Variants in CDH3 observed in about 807,000 individuals in gnomAD.
CDH3 encodes cadherin 3.
Under a neutral mutation model 82.0 loss-of-function variants are expected in CDH3, and 54 were observed. The observed-to-expected ratio is 0.66, with a 90% CI of 0.53 to 0.83. CDH3 has a LOEUF of 0.83. CDH3 is among the 40% of genes least tolerant of loss of function. CDH3 has a pLI of 0.00. For missense variants in CDH3, 1,054 were observed against 1,084.6 expected (o/e 0.97, Z 0.40); for synonymous variants, 446 against 437.9 (o/e 1.02, Z -0.23).
downstream of CDH3, among the ~76,000 whole-genome samples, chr16:68,701,122 C>A (rs1961887475): frequency 1.3e-5 from 2 of 152,248 alleles, no homozygotes; most frequent in South Asian, 4.1e-4. Context: ...AACCAAGCAG[C>A]CCCTGTTTAG....
intron 2 of CDH3, among the ~76,000 whole-genome samples, chr16:68,673,453 C>T (rs1960942956): frequency 6.8e-6 from 1 of 148,078 alleles, no homozygotes; most frequent in African/African-American, 2.5e-5. Context: ...CTCTCTCTCT[C>T]TCTAGCCCCT....
chr16:68,713,769 G>T (rs951812476), intron 1 of CDH3, among the ~76,000 whole-genome samples: 1 of 152,018 alleles, frequency 6.6e-6, no homozygotes, highest in Non-Finnish European at 1.5e-5. Flanking sequence ...CCGCTCCCCA[G>T]GTACAGACCA....
rs1332514329 is a variant in CDH3 at position 68,656,295 on chromosome 16, C to A, written c.160+10545C>A. 4.6e-5 allele frequency among the ~76,000 whole-genome samples: 7 copies of A among 152,236 alleles called. No individual in the cohort carries two copies. In the East Asian group the frequency reaches 1.2e-3, roughly 25 times the overall value. On this transcript the variant is annotated intron_variant, in intron 2 of 15. Transcript: ENST00000264012. ...TTCCCTGGAACCAGGATATTGGCCC[C>A]CACTCCCAGCAACCCTTCTCAACTC...
At chr16:68,668,155 G>T (rs548877991) in intron 2 of CDH3, among the ~76,000 whole-genome samples, 1 of 152,294 alleles carries the variant, frequency 6.6e-6, no homozygotes, top group Admixed American at 6.5e-5. Flanking sequence ...TGAAGCCCTG[G>T]ATGGGTGTGG....
Position 68,695,631 on chromosome 16 carries a change from T to C in CDH3, c.2134-146T>C, listed in dbSNP as rs1328491883. The C allele has an allele frequency of 6.7e-6, 7 of 1,042,374 alleles. No homozygotes were observed. In the East Asian group the frequency reaches 1.8e-4, roughly 26 times the overall value. 64.6% of individuals were successfully genotyped at this position (1,042,374 alleles called of 1,614,324 possible). On this transcript the variant is annotated intron_variant, in intron 14 of 15. Transcript: ENST00000264012. ...CAAGGGAGGATGGAAACGAGGGTTT[T>C]CCAAAATCTGTGACATCATCTGTCT...
chr16:68,729,584 C>T (rs986671520), downstream of CDH3, among the ~76,000 whole-genome samples: 3 of 152,072 alleles, frequency 2.0e-5, no homozygotes, highest in African/African-American at 7.2e-5. Flanking sequence ...TCTTAAGGGG[C>T]ATAACAGACA....
chr16:68,728,414 C>T (rs899397907), downstream of CDH3, among the ~76,000 whole-genome samples: 22 of 152,132 alleles, frequency 1.4e-4, no homozygotes, highest in Admixed American at 6.5e-5. Context: ...ATCTGCCCGC[C>T]TCGGCCTCCC....
At position 68,682,238 on chromosome 16, in the gene CDH3, C is replaced by T. The variant is rs1225804495; in HGVS notation, c.997-64C>T. On this transcript the variant is annotated intron_variant, in intron 8 of 15. Transcript: ENST00000264012. The stretch of plus-strand genomic sequence containing the variant: ...ATCCCCTGAGGTTGGATGGAGGCTT[C>T]TCAGCCTCTGGAGTAGGACAGTCAT... 2.0e-5 allele frequency: 30 copies of T among 1,535,700 alleles called. No homozygotes were observed. In the East Asian group the frequency reaches 6.5e-4, roughly 34 times the overall value.
At chr16:68,720,548 C>CAGTGGGTATA (rs1962149265) in intron 1 of CDH3, among the ~76,000 whole-genome samples, 1 of 152,050 alleles carries the variant, frequency 6.6e-6, no homozygotes, top group Non-Finnish European at 1.5e-5. Flanking sequence ...GCCAGGCTAC[C>CAGTGGGTATA]CATACATGTG....
chr16:68,691,662 G>A (rs1376014285), intron 12 of CDH3, 58 bp from the exon 13 acceptor site: 7 of 1,329,376 alleles, frequency 5.3e-6, no homozygotes, highest in Admixed American at 5.0e-5. Context: ...TCTTCATGGT[G>A]TACTCAGATC....
intron 1 of CDH3, 104 bp downstream of exon 1, chr16:68,645,528 C>T (rs1482099715): frequency 5.4e-6 from 8 of 1,477,008 alleles, no homozygotes; most frequent in East Asian, 2.4e-5. Context: ...GCTGCGCTCC[C>T]TGGGGCCAAG....
At chr16:68,686,347 G>C (rs540964464) in intron 11 of CDH3, 2 of 1,005,014 alleles carry the variant, frequency 2.0e-6, no homozygotes, top group African/African-American at 1.6e-5. Context: ...CGCTACACAA[G>C]AGCAGAGTAC....
At chr16:68,729,105 G>A (rs1962257403), downstream of CDH3, among the ~76,000 whole-genome samples, 1 of 152,108 alleles carries the variant, frequency 6.6e-6, no homozygotes, top group Non-Finnish European at 1.5e-5. Context: ...AGGAGTTCGA[G>A]ACCAGCCTGG....
intron 1 of CDH3, among the ~76,000 whole-genome samples, chr16:68,706,877 A>G (rs1961971832): frequency 1.3e-5 from 2 of 152,260 alleles, no homozygotes; most frequent in African/African-American, 2.4e-5. Flanking sequence ...CCTTAGCTCT[A>G]TGAGGAGGGG....
chr16:68,722,195 A>T (rs1037973190), intron 1 of CDH3, among the ~76,000 whole-genome samples: 4 of 152,202 alleles, frequency 2.6e-5, no homozygotes, highest in African/African-American at 9.7e-5. Flanking sequence ...CCATCAGATC[A>T]AAAGCTTCTT....
At chr16:68,713,905 C>T (rs1282584493) in intron 1 of CDH3, among the ~76,000 whole-genome samples, 1 of 146,920 alleles carries the variant, frequency 6.8e-6, no homozygotes, top group East Asian at 2.0e-4. Context: ...CAAATCTGAT[C>T]AATTTTTATT....
At position 68,700,071 on chromosome 16, in the gene CDH3, A is replaced by G. The variant is rs1221409053; in HGVS notation, c.*1671A>G. On this transcript the variant is annotated 3_prime_UTR_variant, in exon 16 of 16. Transcript: ENST00000264012. The stretch of plus-strand genomic sequence containing the variant: ...ATCTGGTCATCATCGAAATCAAGCA[A>G]AACAAAATTAAGAGAACCTACCCAA... 6.6e-6 allele frequency: 1 copy of G among 152,154 alleles called. No individual in the cohort carries two copies. The highest frequency in any genetic ancestry group is 1.9e-4 in the East Asian group (1 of 5,192). 9.4% of individuals were successfully genotyped at this position (152,154 alleles called of 1,614,324 possible).
At chr16:68,668,690 G>A (rs1458438158) in intron 2 of CDH3, among the ~76,000 whole-genome samples, 1 of 152,142 alleles carries the variant, frequency 6.6e-6, no homozygotes, top group Non-Finnish European at 1.5e-5. Flanking sequence ...GTGCCCTCTG[G>A]TCCCATGTGT....
At chr16:68,680,786 C>A (rs1291394525) in intron 7 of CDH3, among the ~76,000 whole-genome samples, 182 bp from the exon 8 acceptor site, 1 of 152,186 alleles carries the variant, frequency 6.6e-6, no homozygotes, top group Non-Finnish European at 1.5e-5. Flanking sequence ...GTTCCCTCTC[C>A]AACAGCATCC....
Sources: gnomAD v4.1 joint callset for allele counts (sites outside exome capture counted in the v4.1 genomes callset) on GRCh38, gnomAD v4.1.1 for gene constraint, MANE v1.5 for transcripts, NCBI Gene and HGNC (gene_info 2026-07-23, HGNC 2026-07-21) for gene names.